The following ZCCHC14 variants were observed in gnomAD, a reference collection of about 807,000 sequenced individuals.
ZCCHC14 encodes the protein zinc finger CCHC-type containing 14.
In ZCCHC14, 16 loss-of-function variants were observed where a neutral mutation model predicts 85.0. The ratio of observed to expected loss-of-function variants is 0.19; its 90% confidence interval spans 0.13 to 0.29. ZCCHC14 has a LOEUF of 0.29. ZCCHC14 is among the 10% of genes least tolerant of loss of function. ZCCHC14 has a pLI of 1.00. For missense variants in ZCCHC14, 1,303 were observed against 1,443.5 expected (o/e 0.90, Z 1.58); for synonymous variants, 775 against 630.7 (o/e 1.23, Z -3.43).
At chr16:87,480,535 A>G (rs567990909) in intron 1 of ZCCHC14, among the ~76,000 whole-genome samples, 1 of 152,356 alleles carries the variant, frequency 6.6e-6, no homozygotes, top group South Asian at 2.1e-4. Flanking sequence ...AAAAAGATAA[A>G]AAGTATGAGT....
chr16:87,453,942 G>C (rs1168303319), intron 2 of ZCCHC14, among the ~76,000 whole-genome samples: 2 of 152,132 alleles, frequency 1.3e-5, no homozygotes, highest in Admixed American at 6.6e-5. Context: ...TGAATGGACA[G>C]AATCTCAGCA....
At chr16:87,460,594 G>A (rs1174012024) in intron 1 of ZCCHC14, among the ~76,000 whole-genome samples, 6 of 152,132 alleles carry the variant, frequency 3.9e-5, no homozygotes, top group Admixed American at 3.9e-4. Context: ...GGAGGCTGAC[G>A]TGGGAGGATC....
intron 2 of ZCCHC14, among the ~76,000 whole-genome samples, chr16:87,446,892 G>A (rs1268850640): frequency 6.6e-6 from 1 of 151,936 alleles, no homozygotes; most frequent in Non-Finnish European, 1.5e-5. Flanking sequence ...TCACCATGTT[G>A]GCCACGCTGG....
chr16:87,458,827 G>A (rs1286358238), intron 2 of ZCCHC14, among the ~76,000 whole-genome samples: 1 of 152,198 alleles, frequency 6.6e-6, no homozygotes, highest in Non-Finnish European at 1.5e-5. Flanking sequence ...GCCAGCAGAT[G>A]CGGACACAGC....
At chr16:87,447,584 C>G (rs1910504428) in intron 2 of ZCCHC14, among the ~76,000 whole-genome samples, 1 of 152,208 alleles carries the variant, frequency 6.6e-6, no homozygotes, top group Non-Finnish European at 1.5e-5. Context: ...AAATATACCA[C>G]AGCTTGTTTA....
At position 87,482,591 on chromosome 16, in the gene ZCCHC14, A is replaced by T. The variant is rs578023453; in HGVS notation, c.570+9078T>A. Among the ~76,000 whole-genome samples the T allele has an allele frequency of 3.3e-4, 51 of 152,326 alleles. No individual in the cohort carries two copies. In the Middle Eastern group the frequency reaches 0.01, roughly 30 times the overall value. On this transcript the variant is annotated intron_variant, in intron 1 of 12. Transcript: ENST00000671377. ...AAACCCACAAAAACGAACGAGAGGT[A>T]AGAAACAAAACCAAGAGTATCCAAT...
chr16:87,415,942 T>C (rs1290936798), intron 8 of ZCCHC14, among the ~76,000 whole-genome samples: 1 of 152,164 alleles, frequency 6.6e-6, no homozygotes, highest in East Asian at 1.9e-4. Flanking sequence ...TTTTTTGTTT[T>C]TTGAGACGGA....
chr16:87,420,752 G>T lies in ZCCHC14; in HGVS notation c.841-36C>A. ...GGACAAGGTAGAGGAGGTGTGTCCA[G>T]ACCCATCCAACACCAGCAGAATTCT... is the stretch of plus-strand genomic sequence containing the variant. On this transcript the variant is annotated intron_variant, in intron 4 of 12. Coordinates refer to ENST00000671377, the MANE Select transcript of ZCCHC14 (RefSeq NM_015144.3). The surrounding 1 kb of genome is among the most constrained non-coding windows in gnomAD (Gnocchi z 5.0). 1 of 1,553,048 alleles carries T rather than the reference G, an allele frequency of 6.4e-7. No homozygotes were observed. Among genetic ancestry groups the T allele is most frequent in the Admixed American group, 1.9e-5 (1 of 52,234 alleles).
chr16:87,490,438 C>G (rs1912701550), intron 1 of ZCCHC14, among the ~76,000 whole-genome samples: 1 of 152,220 alleles, frequency 6.6e-6, no homozygotes, highest in African/African-American at 2.4e-5. Context: ...CACACCAGGT[C>G]AAAGTAATCT....
rs1465908193 is a variant in ZCCHC14, at chr16:87,411,655, C to T, written c.3066G>A (p.Val1022=). 57 of 1,613,830 alleles carry T rather than the reference C, an allele frequency of 3.5e-5. No homozygotes were observed. Among genetic ancestry groups the T allele is most frequent in the Non-Finnish European group, 4.6e-5 (54 of 1,179,972 alleles). ...MQNFMAGTAG[V]YQTQGLVGSS... ...TGCCCACCAGTCCTTGGGTCTGGTA[C>T]ACCCCTGCTGTCCCTGCCATGAAGT... Residue 1022 remains valine (V), a synonymous_variant, in exon 12 of 13, where the codon GTG becomes GTA. Transcript: ENST00000671377.
At chr16:87,424,158 G>A (rs2150731448) in intron 3 of ZCCHC14, among the ~76,000 whole-genome samples, 1 of 152,362 alleles carries the variant, frequency 6.6e-6, no homozygotes, top group East Asian at 1.9e-4. Context: ...GTAAGTTCTA[G>A]AAAATCCCTG....
chr16:87,420,962 T>C lies in ZCCHC14; in HGVS notation c.841-246A>G, dbSNP rs767948202. 6.6e-6 allele frequency among the ~76,000 whole-genome samples: 1 copy of C among 152,240 alleles called. No individual in the cohort carries two copies. The highest frequency in any genetic ancestry group is 6.5e-5 in the Admixed American group (1 of 15,286). ...ACAATCTGCACAATCACAATGTTCC[T>C]TGAGCCCATCTGAGAGTTGCTGGGC... On this transcript the variant is annotated intron_variant, in intron 4 of 12. Coordinates refer to ENST00000671377, the MANE Select transcript of ZCCHC14 (RefSeq NM_015144.3). The surrounding 1 kb of genome is among the most constrained non-coding windows in gnomAD (Gnocchi z 5.0).
chr16:87,451,971 G>A (rs114038494), intron 2 of ZCCHC14, among the ~76,000 whole-genome samples: 255 of 152,344 alleles, frequency 1.7e-3, no homozygotes, highest in African/African-American at 5.9e-3. Flanking sequence ...AAGGAATCCC[G>A]GCTCTCCCTG....
At chr16:87,478,403 A>C (rs1912119409) in intron 1 of ZCCHC14, among the ~76,000 whole-genome samples, 1 of 152,212 alleles carries the variant, frequency 6.6e-6, no homozygotes, top group South Asian at 2.1e-4. Context: ...GTCGGGGTGC[A>C]GAGAAGGTTG....
chr16:87,491,792 C>T lies in ZCCHC14; in HGVS notation c.447G>A (p.Gln149=), dbSNP rs761490845. The change falls in exon 1 of 13, where the codon CAG becomes CAA. Residue 149 remains glutamine, a synonymous_variant. Transcript: ENST00000671377. This position sits in a 1 kb window ranked among gnomAD's most constrained non-coding sequence, Gnocchi z 5.9. The part of the protein sequence containing the change: ...ASNHPAFSFH[Q]KQVLRQELTQ... ...TGAGCTCCTGGCGCAGCACCTGCTT[C>T]TGGTGGAAGCTGAAGGCCGGGTGGT... 1 of 1,588,346 alleles carries T rather than the reference C, an allele frequency of 6.3e-7. No homozygotes were observed. Among genetic ancestry groups the T allele is most frequent in the East Asian group, 2.4e-5 (1 of 42,102 alleles).
chr16:87,424,354 C>A (rs975742027), intron 3 of ZCCHC14, among the ~76,000 whole-genome samples: 1 of 152,202 alleles, frequency 6.6e-6, no homozygotes, highest in African/African-American at 2.4e-5. Flanking sequence ...GCTCTCAGGA[C>A]ACTGCAGAGC....
chr16:87,478,345 T>C (rs1452247053), intron 1 of ZCCHC14, among the ~76,000 whole-genome samples: 1 of 152,154 alleles, frequency 6.6e-6, no homozygotes, highest in African/African-American at 2.4e-5. Context: ...AGTTTTAGAA[T>C]AGGCGAAACT....
intron 3 of ZCCHC14, among the ~76,000 whole-genome samples, chr16:87,431,802 G>A (rs1278807738): frequency 1.3e-5 from 2 of 152,160 alleles, no homozygotes; most frequent in Admixed American, 1.3e-4. Context: ...GGATCACTGG[G>A]ACCGCTGCTG....
At chr16:87,487,406 C>T (rs1037718626) in intron 1 of ZCCHC14, among the ~76,000 whole-genome samples, 6 of 152,318 alleles carry the variant, frequency 3.9e-5, no homozygotes, top group Admixed American at 1.3e-4. Flanking sequence ...GGCGGGGCCC[C>T]GCCCCTGCCC....
Sources: allele counts gnomAD v4.1 joint callset (sites outside exome capture counted in the v4.1 genomes callset), GRCh38; gene constraint gnomAD v4.1.1; non-coding constraint Gnocchi (gnomAD v3.1); transcripts MANE v1.5; gene names NCBI Gene and HGNC (gene_info 2026-07-23, HGNC 2026-07-21).